The following SNRNP40 variants were observed in gnomAD, a reference collection of about 807,000 sequenced individuals.
The protein encoded by SNRNP40 is U5 small nuclear ribonucleoprotein 40 kDa protein.
SNRNP40 carries 21 observed loss-of-function variants against 45.8 expected under a neutral mutation model. The observed-to-expected ratio is 0.46, with a 90% CI of 0.32 to 0.66. The LOEUF is 0.66. SNRNP40 is among the 30% of genes least tolerant of loss of function. The pLI is 0.03. For missense variants in SNRNP40, 344 were observed against 439.1 expected (o/e 0.78, Z 1.94); for synonymous variants, 142 against 163.8 (o/e 0.87, Z 1.01).
chr1:31,269,593 AAC>A, intron 6 of SNRNP40: 1 of 412,830 alleles, frequency 2.4e-6, no homozygotes, highest in Non-Finnish European at 4.2e-6. Flanking sequence ...CAATGTGACA[AAC>A]TAAATACCAG....
chr1:31,272,885 G>C (rs1645948464), intron 5 of SNRNP40, among the ~76,000 whole-genome samples: 1 of 152,100 alleles, frequency 6.6e-6, no homozygotes, highest in Non-Finnish European at 1.5e-5. Context: ...TAAGGTCACT[G>C]GTATTACATA....
Position 31,267,176 on chromosome 1 carries a change from T to C in SNRNP40, c.920+695A>G, listed in dbSNP as rs865884932. On this transcript the variant is annotated intron_variant, in intron 8 of 9. Coordinates refer to ENST00000263694, the MANE Select transcript of SNRNP40 (RefSeq NM_004814.3). Reference sequence around the variant, plus strand: ...GAGAACGCAAAAGGAGGTTAGAATATGAAAATTCCATGTGCGCAGCATTGT... The same window carrying C: ...GAGAACGCAAAAGGAGGTTAGAATACGAAAATTCCATGTGCGCAGCATTGT... 5.3e-5 allele frequency among the ~76,000 whole-genome samples: 8 copies of C among 152,118 alleles called. 1 individual carries two copies. Among genetic ancestry groups the C allele is most frequent in the African/African-American group, 1.9e-4 (8 of 41,424 alleles).
chr1:31,295,783 T>C (rs910005364), intron 1 of SNRNP40, among the ~76,000 whole-genome samples: 1 of 152,160 alleles, frequency 6.6e-6, no homozygotes, highest in Non-Finnish European at 1.5e-5. Flanking sequence ...CCAGTTAGGG[T>C]CCCACTACAA....
chr1:31,263,713 T>C, intron 8 of SNRNP40: 1 of 386,182 alleles, frequency 2.6e-6, no homozygotes, highest in South Asian at 2.0e-5. Context: ...GTTTTTCTTA[T>C]TCAAGCTTGC....
chr1:31,289,140 G>T, intron 4 of SNRNP40, 114 bp downstream of exon 4: 2 of 890,152 alleles, frequency 2.2e-6, no homozygotes, highest in Non-Finnish European at 3.5e-6. Context: ...TGTGTTATGG[G>T]AGATGACTGC....
chr1:31,288,306 A>G (rs1569669691), intron 4 of SNRNP40, among the ~76,000 whole-genome samples: 1 of 152,228 alleles, frequency 6.6e-6, no homozygotes, highest in African/African-American at 2.4e-5. Flanking sequence ...ATTCGTGTCA[A>G]AGAGAGAATC....
At chr1:31,295,156 A>G (rs1646134549) in intron 1 of SNRNP40, among the ~76,000 whole-genome samples, 1 of 151,968 alleles carries the variant, frequency 6.6e-6, no homozygotes, top group Non-Finnish European at 1.5e-5. Flanking sequence ...TTGGGAGGCC[A>G]AGGTGTGCGG....
chr1:31,286,959 G>A (rs948845037), intron 4 of SNRNP40, among the ~76,000 whole-genome samples: 6 of 152,080 alleles, frequency 3.9e-5, no homozygotes, highest in African/African-American at 1.2e-4. Context: ...ACACATACAC[G>A]CAGTATTTCA....
At chr1:31,275,704 T>C (rs894366644) in intron 5 of SNRNP40, among the ~76,000 whole-genome samples, 4 of 152,174 alleles carry the variant, frequency 2.6e-5, no homozygotes, top group African/African-American at 9.7e-5. Flanking sequence ...GCAGGGTATT[T>C]TTAATAGGGA....
intron 6 of SNRNP40, 66 bp from the exon 7 acceptor site, chr1:31,269,306 C>T (rs756787006): frequency 1.3e-6 from 2 of 1,595,810 alleles, no homozygotes; most frequent in African/African-American, 2.7e-5. Context: ...TCCTGGGCAC[C>T]CAGCTGAAAT....
chr1:31,277,346 A>G (rs1645982729), intron 5 of SNRNP40, among the ~76,000 whole-genome samples: 1 of 152,268 alleles, frequency 6.6e-6, no homozygotes, highest in Admixed American at 6.5e-5. Flanking sequence ...ATCTATTTTT[A>G]TAATTCTTTT....
intron 8 of SNRNP40, among the ~76,000 whole-genome samples, chr1:31,265,723 C>T (rs932179605): frequency 1.3e-5 from 2 of 152,030 alleles, no homozygotes; most frequent in African/African-American, 4.8e-5. Flanking sequence ...ACCTGTAGTC[C>T]CAGCTACTCG....
intron 5 of SNRNP40, among the ~76,000 whole-genome samples, chr1:31,277,885 G>C (rs1439701260): frequency 6.6e-6 from 1 of 152,140 alleles, no homozygotes; most frequent in Non-Finnish European, 1.5e-5. Context: ...AGTAGAGACG[G>C]GGTTTTGCCA....
At chr1:31,260,653 G>C (rs958172357) in intron 9 of SNRNP40, among the ~76,000 whole-genome samples, 1 of 151,708 alleles carries the variant, frequency 6.6e-6, no homozygotes, top group Non-Finnish European at 1.5e-5. Flanking sequence ...CCAGAGGTCA[G>C]GAGTTTGAGA....
At chr1:31,274,799 G>A (rs1645963926) in intron 5 of SNRNP40, among the ~76,000 whole-genome samples, 1 of 152,070 alleles carries the variant, frequency 6.6e-6, no homozygotes, top group South Asian at 2.1e-4. Context: ...CCTATTACCA[G>A]GTAGGAAGTT....
chr1:31,263,913 T>TAAA (rs11419603), intron 8 of SNRNP40, among the ~76,000 whole-genome samples: 21 of 106,874 alleles, frequency 2.0e-4, no homozygotes, highest in African/African-American at 6.9e-4. Context: ...ATGTACTGGC[T>TAAA]AAAAAAAAAA....
At chr1:31,296,421 C>G (rs1446820172) in intron 1 of SNRNP40, among the ~76,000 whole-genome samples, 190 bp downstream of exon 1, 1 of 152,218 alleles carries the variant, frequency 6.6e-6, no homozygotes, top group Admixed American at 6.5e-5. Flanking sequence ...AAACGGGCGC[C>G]AAACGGGGGA....
At chr1:31,269,408 C>T (rs1645921948) in intron 6 of SNRNP40, 168 bp from the exon 7 acceptor site, 3 of 1,375,500 alleles carry the variant, frequency 2.2e-6, no homozygotes. Flanking sequence ...TTTTCTTTTT[C>T]AAGCAGGAAA....
At chr1:31,264,024 G>A (rs1228383443) in intron 8 of SNRNP40, among the ~76,000 whole-genome samples, 2 of 151,418 alleles carry the variant, frequency 1.3e-5, no homozygotes, top group Admixed American at 6.6e-5. Flanking sequence ...TTCATCTGTT[G>A]GTAAATATAA....
Sources: allele counts gnomAD v4.1 joint callset (sites outside exome capture counted in the v4.1 genomes callset), GRCh38; gene constraint gnomAD v4.1.1; transcripts MANE v1.5; gene names NCBI Gene and HGNC (gene_info 2026-07-23, HGNC 2026-07-21).